The following MACROD2 variants were observed in gnomAD, a reference collection of about 807,000 sequenced individuals.
MACROD2 encodes mono-ADP ribosylhydrolase 2, also known as ADP-ribose glycohydrolase MACROD2.
MACROD2 carries 36 observed loss-of-function variants against 70.4 expected under a neutral mutation model. The observed-to-expected ratio is 0.51, with a 90% CI of 0.39 to 0.68. MACROD2 has a LOEUF of 0.68. Among genes scored for constraint, MACROD2 ranks in the 30% least tolerant of loss-of-function variants. MACROD2 has a pLI of 0.00. For synonymous variants in MACROD2, 172 were observed against 178.8 expected (o/e 0.96, Z 0.30); for missense variants, 496 against 538.4 (o/e 0.92, Z 0.78).
chr20:14,482,333 C>T (rs1437720360), intron 3 of MACROD2, among the ~76,000 whole-genome samples: 1 of 151,964 alleles, frequency 6.6e-6, no homozygotes, highest in Non-Finnish European at 1.5e-5. Flanking sequence ...GTAGAATTGG[C>T]ACTACTAGAG....
chr20:15,084,064 T>TTTTTTTTTGTTTTTG (rs773716454), intron 5 of MACROD2, among the ~76,000 whole-genome samples: 16 of 59,602 alleles, frequency 2.7e-4, no homozygotes, highest in Non-Finnish European at 3.5e-4. Context: ...ACTAGGTTTT[T>TTTTTTTTTGTTTTTG]TTTTTTTGTT....
intron 3 of MACROD2, among the ~76,000 whole-genome samples, chr20:14,271,318 G>A (rs2082193567): frequency 1.3e-5 from 2 of 152,180 alleles, no homozygotes; most frequent in African/African-American, 4.8e-5. Flanking sequence ...CGATCAGACA[G>A]CAGCATTTGC....
intron 3 of MACROD2, among the ~76,000 whole-genome samples, chr20:14,088,946 A>G (rs1484788968): frequency 6.6e-6 from 1 of 152,216 alleles, no homozygotes; most frequent in Non-Finnish European, 1.5e-5. Flanking sequence ...TAATTATTGA[A>G]ATAAATGGTG....
intron 8 of MACROD2, among the ~76,000 whole-genome samples, chr20:15,522,378 A>G (rs1490672522): frequency 2.6e-5 from 4 of 152,246 alleles, no homozygotes; most frequent in Non-Finnish European, 2.9e-5. Context: ...AATGTACTCA[A>G]TGCAGTGCTC....
intron 3 of MACROD2, among the ~76,000 whole-genome samples, chr20:14,446,066 G>A (rs1243287051): frequency 6.6e-6 from 1 of 152,060 alleles, no homozygotes; most frequent in Admixed American, 6.6e-5. Context: ...TTTGGGGCAT[G>A]TGATTCACAT....
At chr20:15,302,140 C>T (rs1040508948) in intron 6 of MACROD2, among the ~76,000 whole-genome samples, 1 of 152,144 alleles carries the variant, frequency 6.6e-6, no homozygotes, top group Non-Finnish European at 1.5e-5. Flanking sequence ...TCAATTGAAA[C>T]CTGTCTCCCA....
At chr20:15,185,466 T>G (rs2076528594) in intron 5 of MACROD2, among the ~76,000 whole-genome samples, 1 of 152,226 alleles carries the variant, frequency 6.6e-6, no homozygotes. Flanking sequence ...TTAAGCAACA[T>G]GCTGTATCAT....
chr20:15,362,245 C>CG (rs2078361321), intron 6 of MACROD2, among the ~76,000 whole-genome samples: 1 of 152,018 alleles, frequency 6.6e-6, no homozygotes, highest in South Asian at 2.1e-4. Context: ...CCACCCACCC[C>CG]GGCCTCCCAA....
chr20:14,146,829 A>G (rs1417271919), intron 3 of MACROD2, among the ~76,000 whole-genome samples: 1 of 152,216 alleles, frequency 6.6e-6, no homozygotes, highest in African/African-American at 2.4e-5. Context: ...TAGAGGGTCA[A>G]GTGGCTAAGT....
At chr20:15,307,799 G>T (rs1377301718) in intron 6 of MACROD2, among the ~76,000 whole-genome samples, 1 of 151,560 alleles carries the variant, frequency 6.6e-6, no homozygotes, top group Admixed American at 6.6e-5. Context: ...TACATTTTTT[G>T]TCATTTCTTT....
At chr20:15,751,483 T>C (rs543126932) in intron 8 of MACROD2, among the ~76,000 whole-genome samples, 22 of 152,174 alleles carry the variant, frequency 1.4e-4, no homozygotes, top group Middle Eastern at 3.4e-3. Context: ...GGGTAACATA[T>C]TTACTATTTC....
chr20:15,817,926 T>C (rs2063894793), intron 8 of MACROD2, among the ~76,000 whole-genome samples: 1 of 152,190 alleles, frequency 6.6e-6, no homozygotes, highest in South Asian at 2.1e-4. Flanking sequence ...GCCAGTTACC[T>C]ACTGGACCAC....
chr20:14,104,857 T>C (rs938896153), intron 3 of MACROD2, among the ~76,000 whole-genome samples: 1 of 152,324 alleles, frequency 6.6e-6, no homozygotes, highest in Non-Finnish European at 1.5e-5. Context: ...CATAGGGAAG[T>C]GGATTCTTAT....
chr20:15,783,582 A>C (rs764013371), intron 8 of MACROD2, among the ~76,000 whole-genome samples: 2 of 152,168 alleles, frequency 1.3e-5, no homozygotes, highest in Admixed American at 1.3e-4. Context: ...CTCTTTAATG[A>C]TGCCTTAGGT....
At chr20:15,327,548 A>G (rs1478496492) in intron 6 of MACROD2, among the ~76,000 whole-genome samples, 1 of 152,104 alleles carries the variant, frequency 6.6e-6, no homozygotes, top group Non-Finnish European at 1.5e-5. Context: ...AAGGGGGAAA[A>G]GCCCCTTATA....
intron 5 of MACROD2, among the ~76,000 whole-genome samples, chr20:14,862,218 T>C (rs371366570): frequency 8.7e-5 from 3 of 34,332 alleles, no homozygotes; most frequent in African/African-American, 3.1e-4. Flanking sequence ...TATATATATA[T>C]ATAAATATAT....
chr20:15,672,562 A>AGAAC (rs2049995697), intron 8 of MACROD2, among the ~76,000 whole-genome samples: 1 of 152,068 alleles, frequency 6.6e-6, no homozygotes, highest in East Asian at 1.9e-4. Context: ...GGTTCTTCAG[A>AGAAC]TGGGGTGAGT....
intron 5 of MACROD2, among the ~76,000 whole-genome samples, chr20:14,876,817 C>A (rs1438807487): frequency 1.3e-5 from 2 of 151,932 alleles, no homozygotes; most frequent in Non-Finnish European, 2.9e-5. Context: ...GTTTCACTGG[C>A]CTATGCATCT....
chr20:15,176,655 C>G (rs1339212241), intron 5 of MACROD2, among the ~76,000 whole-genome samples: 1 of 152,152 alleles, frequency 6.6e-6, no homozygotes, highest in Non-Finnish European at 1.5e-5. Context: ...CTCCACATTG[C>G]TCATCCCCCA....
Sources: allele counts gnomAD v4.1 joint callset (sites outside exome capture counted in the v4.1 genomes callset), GRCh38; gene constraint gnomAD v4.1.1; transcripts MANE v1.5; gene names NCBI Gene and HGNC (gene_info 2026-07-23, HGNC 2026-07-21).